TMEM233: variants seen among roughly 807,000 people sequenced by gnomAD.
TMEM233 encodes dispanin subfamily B member 2.
TMEM233 carries 6 observed loss-of-function variants against 11.2 expected under a neutral mutation model. The ratio of observed to expected loss-of-function variants is 0.54; its 90% CI spans 0.29 to 1.06. The LOEUF (loss-of-function observed/expected upper bound fraction) is 1.06, where lower values mean the gene tolerates loss of function less well. TMEM233 is among the 50% of genes least tolerant of loss of function. The pLI is 0.08. For synonymous variants in TMEM233, 59 were observed against 55.8 expected (o/e 1.06, Z -0.26); for missense variants, 127 against 144.7 (o/e 0.88, Z 0.63).
At chr12:119,651,321 G>A in the TMEM233 span, among the ~76,000 whole-genome samples, 1 of 152,102 alleles carries the variant, frequency 6.6e-6, no homozygotes, top group African/African-American at 2.4e-5. Context: ...AGCTCTTCAG[G>A]CTACAAACTT....
chr12:119,644,041 CAG>C (rs1233758774), downstream of TMEM233, among the ~76,000 whole-genome samples: 1 of 152,152 alleles, frequency 6.6e-6, no homozygotes, highest in Non-Finnish European at 1.5e-5. Flanking sequence ...TGTGGAAAGA[CAG>C]TGTTTCTTCC....
At chr12:119,597,825 A>G (rs1344254459) in intron 1 of TMEM233, among the ~76,000 whole-genome samples, 22 of 152,182 alleles carry the variant, frequency 1.4e-4, no homozygotes. Context: ...TTGAAAGCAT[A>G]CTTAACCTCA....
intron 1 of TMEM233, 99 bp from the exon 2 acceptor site, chr12:119,629,637 G>C: frequency 7.8e-7 from 1 of 1,280,708 alleles, no homozygotes; most frequent in South Asian, 1.6e-5. Flanking sequence ...AAAGTCACCA[G>C]AGAGCTCTTG....
chr12:119,639,831 G>A (rs997558732), intron 2 of TMEM233, among the ~76,000 whole-genome samples: 1 of 152,068 alleles, frequency 6.6e-6, no homozygotes, highest in African/African-American at 2.4e-5. Flanking sequence ...ACAGGGCCTG[G>A]CACTCTGTAC....
At chr12:119,644,478 CTT>C (rs58075242), downstream of TMEM233, among the ~76,000 whole-genome samples, 1,550 of 126,936 alleles carry the variant, frequency 0.012, 17 homozygotes, top group African/African-American at 0.035. Flanking sequence ...TTTTTCTTTT[CTT>C]TTTTTTTTTT....
the TMEM233 span, among the ~76,000 whole-genome samples, chr12:119,650,685 C>A: frequency 6.6e-6 from 1 of 152,182 alleles, no homozygotes; most frequent in Non-Finnish European, 1.5e-5. Context: ...CTCTGTTGCC[C>A]AGGCTGGGGT....
chr12:119,622,865 G>A (rs985449569), intron 1 of TMEM233, among the ~76,000 whole-genome samples: 2 of 152,176 alleles, frequency 1.3e-5, no homozygotes, highest in Non-Finnish European at 2.9e-5. Flanking sequence ...ACTGAAAGAG[G>A]CTTTTCATCT....
At position 119,627,461 on chromosome 12, in the gene TMEM233, C is replaced by T. The variant is rs138250853; in HGVS notation, c.187-2275C>T. ...CAAACATGGCGCCAGTATCTTCTTC[C>T]GGTGAGGACTCAGGAAGCCTTTACT... On this transcript the variant is annotated intron_variant, in intron 1 of 2. Transcript: ENST00000426426. 5.0e-4 allele frequency among the ~76,000 whole-genome samples: 76 copies of T among 152,290 alleles called. 1 individual carries two copies. In the East Asian group the frequency reaches 0.013, roughly 26 times the overall value.
chr12:119,630,170 T>C (rs935775472), intron 2 of TMEM233, among the ~76,000 whole-genome samples: 1 of 152,248 alleles, frequency 6.6e-6, no homozygotes, highest in Admixed American at 6.5e-5. Context: ...ACTCAGTCTT[T>C]GTAGCACAAA....
intron 1 of TMEM233, among the ~76,000 whole-genome samples, chr12:119,606,729 C>G (rs1274564435): frequency 6.6e-6 from 1 of 152,066 alleles, no homozygotes; most frequent in Non-Finnish European, 1.5e-5. Flanking sequence ...GATGTTCATC[C>G]AGCATTAGTC....
intron 1 of TMEM233, among the ~76,000 whole-genome samples, chr12:119,626,175 GA>G (rs1954752194): frequency 6.6e-6 from 1 of 152,010 alleles, no homozygotes; most frequent in African/African-American, 2.4e-5. Context: ...TAGGTATATT[GA>G]GAAAACTACA....
chr12:119,608,959 A>T (rs2136698820), intron 1 of TMEM233, among the ~76,000 whole-genome samples: 1 of 152,226 alleles, frequency 6.6e-6, no homozygotes, highest in South Asian at 2.1e-4. Flanking sequence ...GTACTGAGGG[A>T]GTGGGGCGCT....
At chr12:119,616,040 G>T (rs1467598746) in intron 1 of TMEM233, among the ~76,000 whole-genome samples, 2 of 152,068 alleles carry the variant, frequency 1.3e-5, no homozygotes, top group African/African-American at 4.8e-5. Flanking sequence ...CCAGGGAAGG[G>T]GTGTATAAAT....
At chr12:119,636,399 A>G (rs1954969999) in intron 2 of TMEM233, among the ~76,000 whole-genome samples, 1 of 152,100 alleles carries the variant, frequency 6.6e-6, no homozygotes, top group Non-Finnish European at 1.5e-5. Flanking sequence ...ACAACATCAC[A>G]CCTAAGGTAC....
intron 1 of TMEM233, among the ~76,000 whole-genome samples, chr12:119,615,173 T>A (rs1254178256): frequency 1.8e-5 from 1 of 56,196 alleles, no homozygotes; most frequent in Non-Finnish European, 3.1e-5. Flanking sequence ...CGCTTTCTGC[T>A]AAAAAAAAAA....
At chr12:119,596,048 C>T (rs1252529777) in intron 1 of TMEM233, among the ~76,000 whole-genome samples, 2 of 152,112 alleles carry the variant, frequency 1.3e-5, no homozygotes, top group Non-Finnish European at 2.9e-5. Context: ...TTTTCCCATC[C>T]TGGAGGCCCG....
At chr12:119,626,900 C>G (rs955307966) in intron 1 of TMEM233, among the ~76,000 whole-genome samples, 1 of 152,220 alleles carries the variant, frequency 6.6e-6, no homozygotes, top group African/African-American at 2.4e-5. Context: ...AGACACCACT[C>G]TAAGTACTAG....
chr12:119,650,494 C>A, the TMEM233 span, among the ~76,000 whole-genome samples: 1 of 152,242 alleles, frequency 6.6e-6, no homozygotes. Context: ...CGCATAACAG[C>A]GTGCAATGAC....
chr12:119,596,903 T>C (rs1452812396), intron 1 of TMEM233, among the ~76,000 whole-genome samples: 2 of 152,252 alleles, frequency 1.3e-5, no homozygotes, highest in African/African-American at 4.8e-5. Context: ...CAAAGCATTC[T>C]AGTTCTTAGC....
Sources: gnomAD v4.1 joint callset for allele counts (sites outside exome capture counted in the v4.1 genomes callset) on GRCh38, gnomAD v4.1.1 for gene constraint, MANE v1.5 for transcripts, NCBI Gene and HGNC (gene_info 2026-07-23, HGNC 2026-07-21) for gene names.